The following ABCG1 variants were observed in gnomAD, a reference collection of about 807,000 sequenced individuals.
ABCG1 encodes ATP binding cassette subfamily G member 1.
A neutral mutation model predicts 69.2 loss-of-function variants in ABCG1; 29 were observed. The ratio of observed to expected loss-of-function variants is 0.42; its 90% CI spans 0.31 to 0.57. The LOEUF (loss-of-function observed/expected upper bound fraction) is 0.57, where lower values mean the gene tolerates loss of function less well. Among genes scored for constraint, ABCG1 ranks in the 20% least tolerant of loss-of-function variants. The pLI is 0.15. For missense variants in ABCG1, 718 were observed against 898.1 expected, an observed-to-expected ratio of 0.80 and a Z score of 2.56; for synonymous variants, 370 against 374.8, an observed-to-expected ratio of 0.99 and a Z score of 0.15.
Position 42,281,768 on chromosome 21 carries a change from G to A in ABCG1, c.589-506G>A, listed in dbSNP as rs182568427. ...CAAGAGTGCTGGGAACAGCCCCCAC[G>A]GACTCCATGCTGCTCTGTGCACTCT... On this transcript the variant is annotated intron_variant, in intron 5 of 14. Transcript: ENST00000398449. Among the ~76,000 whole-genome samples, 74 of 152,212 alleles carry A rather than the reference G, an allele frequency of 4.9e-4. 2 individuals are homozygous for A. The highest frequency in any genetic ancestry group is 9.8e-4 in the Admixed American group (15 of 15,296).
At chr21:42,239,840 A>G (rs1010073297) in intron 2 of ABCG1, among the ~76,000 whole-genome samples, 11 of 152,240 alleles carry the variant, frequency 7.2e-5, no homozygotes, top group Admixed American at 7.2e-4. Flanking sequence ...AGATGCTCAC[A>G]TCACTTGGGT....
At chr21:42,241,949 G>C (rs191959929) in intron 2 of ABCG1, among the ~76,000 whole-genome samples, 1 of 140,188 alleles carries the variant, frequency 7.1e-6, no homozygotes, top group African/African-American at 2.7e-5. Context: ...CTGCACTCCA[G>C]CCTGGACAAC....
At chr21:42,250,796 C>T (rs116850768) in intron 2 of ABCG1, among the ~76,000 whole-genome samples, 2,917 of 152,324 alleles carry the variant, frequency 0.019, 38 homozygotes, top group Non-Finnish European at 0.027. Flanking sequence ...CCCCTTTCCT[C>T]CCTGGCATGC....
intron 2 of ABCG1, among the ~76,000 whole-genome samples, chr21:42,270,357 CTATT>C (rs1027641651): frequency 6.6e-5 from 10 of 150,640 alleles, no homozygotes; most frequent in African/African-American, 2.4e-4. Flanking sequence ...TTTAAACAGT[CTATT>C]TGAAAAAAAA....
rs532643886 is a variant in ABCG1 at position 42,287,307 on chromosome 21, C to T, written c.974-582C>T. ...GTCTGCAGGTGGAGTGGGGAGGTGA[C>T]GATTGGGATGCGAGAGGCAGGAGCA... On this transcript the variant is annotated intron_variant, in intron 8 of 14. Transcript: ENST00000398449. The surrounding 1 kb of genome is among the most constrained non-coding windows in gnomAD (Gnocchi z 6.2). Among the ~76,000 whole-genome samples, 2 of 152,162 alleles carry T rather than the reference C, an allele frequency of 1.3e-5. No individual in the cohort carries two copies. Among genetic ancestry groups the T allele is most frequent in the Non-Finnish European group, 2.9e-5 (2 of 67,990 alleles).
intron 3 of ABCG1, among the ~76,000 whole-genome samples, chr21:42,271,538 T>G (rs1036075465): frequency 6.6e-6 from 1 of 152,196 alleles, no homozygotes; most frequent in Non-Finnish European, 1.5e-5. Context: ...CAAGGCATTT[T>G]CAGAAGAGAA....
Position 42,259,389 on chromosome 21 carries a change from G to A in ABCG1, c.287-11681G>A, listed in dbSNP as rs182904847. 986 of 1,550,384 alleles carry A rather than the reference G, an allele frequency of 6.4e-4. 1 individual carries two copies. Among genetic ancestry groups the A allele is most frequent in the Non-Finnish European group, 7.7e-4 (881 of 1,147,016 alleles). ...GAGCTCAGTGTTTGTGACAGACTGC[G>A]TGTCCTGCAAAATCGAAAATGTCTG... On this transcript the variant is annotated intron_variant, in intron 2 of 14. Transcript: ENST00000398449.
intron 2 of ABCG1, among the ~76,000 whole-genome samples, chr21:42,254,153 C>G (rs547163983): frequency 6.6e-6 from 1 of 152,144 alleles, no homozygotes; most frequent in African/African-American, 2.4e-5. Flanking sequence ...ACCCCAGAAC[C>G]GGATGACACA....
chr21:42,287,038 A>G lies in ABCG1; in HGVS notation c.974-851A>G, dbSNP rs2068954400. ...CCGTACCAGCTGGGAGGAAGCGGGT[A>G]GCTGGCTCTGCCAGAGGGAAGTGCG... is the stretch of plus-strand genomic sequence containing the variant. On this transcript the variant is annotated intron_variant, in intron 8 of 14. Coordinates refer to ENST00000398449, the MANE Select transcript of ABCG1 (RefSeq NM_016818.3). This position sits in a 1 kb window ranked among gnomAD's most constrained non-coding sequence, Gnocchi z 6.2. Among the ~76,000 whole-genome samples, 1 of 152,214 alleles carries G rather than the reference A, an allele frequency of 6.6e-6. No homozygotes were observed. The highest frequency in any genetic ancestry group is 1.5e-5 in the Non-Finnish European group (1 of 68,046).
In ABCG1 at chr21:42,291,418, CT is replaced by C; in HGVS notation, c.1495-79del. On this transcript the variant is annotated intron_variant, in intron 12 of 14. Transcript: ENST00000398449. This position sits in a 1 kb window ranked among gnomAD's most constrained non-coding sequence, Gnocchi z 6.4. ...CTCTGGCGGGAGCTGCGGGGAAGGG[CT>C]GGCTGCCCAGGAGCTTTGCTGTTGG... The C allele has an allele frequency of 6.5e-7, 1 of 1,544,260 alleles. No homozygotes were observed. The highest frequency in any genetic ancestry group is 8.8e-7 in the Non-Finnish European group (1 of 1,137,910).
At chr21:42,201,678 G>T (rs1250875560) in exon 2 of ABCG1, 1 of 1,612,470 alleles carries the variant, frequency 6.2e-7, no homozygotes, top group Non-Finnish European at 8.5e-7. Context: ...TGTTCTTGAT[G>T]CTGGGAACGC....
chr21:42,282,789 G>A (rs1309424245), intron 6 of ABCG1, among the ~76,000 whole-genome samples: 30 of 152,242 alleles, frequency 2.0e-4, no homozygotes, highest in Admixed American at 2.0e-3. Context: ...GAAACGCCCT[G>A]CAGTTTAGCA....
intron 2 of ABCG1, among the ~76,000 whole-genome samples, chr21:42,232,712 A>C (rs1308911527): frequency 6.6e-6 from 1 of 152,186 alleles, no homozygotes; most frequent in Non-Finnish European, 1.5e-5. Flanking sequence ...TGTATCTTGA[A>C]AAGTTCACGT....
At chr21:42,226,749 A>C (rs1438151139) in intron 2 of ABCG1, among the ~76,000 whole-genome samples, 8 of 152,144 alleles carry the variant, frequency 5.3e-5, no homozygotes, top group African/African-American at 1.9e-4. Flanking sequence ...GCTGATAGGC[A>C]GAGGACGTGT....
chr21:42,258,051 C>G (rs1210380396), intron 2 of ABCG1, among the ~76,000 whole-genome samples: 1 of 94,072 alleles, frequency 1.1e-5, no homozygotes, highest in African/African-American at 5.0e-5. Context: ...TCCACTCATC[C>G]CTCAACTCAC....
intron 2 of ABCG1, among the ~76,000 whole-genome samples, chr21:42,243,853 CTG>C (rs1244303068): frequency 8.4e-6 from 1 of 119,126 alleles, no homozygotes; most frequent in Non-Finnish European, 1.6e-5. Flanking sequence ...GAGTCTCACT[CTG>C]TCGCCCAGGC....
At chr21:42,274,313 G>A (rs1184347378) in intron 4 of ABCG1, among the ~76,000 whole-genome samples, 1 of 152,190 alleles carries the variant, frequency 6.6e-6, no homozygotes, top group Non-Finnish European at 1.5e-5. Context: ...TATGTCCTCT[G>A]TGGATAAATC....
chr21:42,258,265 T>C (rs1476516448), intron 2 of ABCG1, among the ~76,000 whole-genome samples: 1 of 151,646 alleles, frequency 6.6e-6, no homozygotes, highest in Non-Finnish European at 1.5e-5. Flanking sequence ...AATTCTTCCC[T>C]CCACCCATCC....
chr21:42,274,579 A>T lies in ABCG1; in HGVS notation c.537+1144A>T, dbSNP rs551146702. ...AACCTCCGCCTCCCAGGTTCAAGCG[A>T]TTCTTCTGCCTCAGCCTCCCAAGTA... On this transcript the variant is annotated intron_variant, in intron 4 of 14. Transcript: ENST00000398449. Among the ~76,000 whole-genome samples the T allele has an allele frequency of 2.7e-5, 4 of 149,630 alleles. No individual in the cohort carries two copies. The South Asian group carries it at 8.5e-4, about 32-fold the overall frequency.
Sources: gnomAD v4.1 joint callset for allele counts (sites outside exome capture counted in the v4.1 genomes callset) on GRCh38, gnomAD v4.1.1 for gene constraint, Gnocchi (gnomAD v3.1) non-coding constraint, MANE v1.5 for transcripts, NCBI Gene and HGNC (gene_info 2026-07-23, HGNC 2026-07-21) for gene names.